DRICH1: variants seen among roughly 807,000 people sequenced by gnomAD.
DRICH1 encodes aspartate rich 1.
Under a neutral mutation model 39.5 loss-of-function variants are expected in DRICH1, and 38 were observed. The observed-to-expected ratio is 0.96, with a 90% CI of 0.74 to 1.26. DRICH1 has a LOEUF of 1.26. DRICH1 is among the 50% of genes most tolerant of loss of function. The probability of loss-of-function intolerance (pLI) is 0.00; values close to 1 mark genes in which losing one functional copy is unlikely to be tolerated. For missense variants in DRICH1, 279 were observed against 270.4 expected (o/e 1.03, Z -0.22); for synonymous variants, 84 against 99.5 (o/e 0.84, Z 0.93).
Position 23,630,311 on chromosome 22 carries a change from C to CA in DRICH1, c.208+1504dup, listed in dbSNP as rs1450871420. On this transcript the variant is annotated intron_variant, in intron 1 of 11. Transcript: ENST00000317749. ...GTCATATATCACGGTGGAGTGATGA[C>CA]ACGGTTGAGTAATGCAGACCATCAA... Among the ~76,000 whole-genome samples, 7 of 152,144 alleles carry CA rather than the reference C, an allele frequency of 4.6e-5. No individual in the cohort carries two copies. The South Asian group carries it at 1.4e-3, about 31-fold the overall frequency.
the DRICH1 span, among the ~76,000 whole-genome samples, chr22:23,602,607 C>T: frequency 6.6e-6 from 1 of 151,958 alleles, no homozygotes; most frequent in South Asian, 2.1e-4. Context: ...ATCGCTTGAA[C>T]CCAGGTGGCG....
chr22:23,603,121 T>A, the DRICH1 span, among the ~76,000 whole-genome samples: 89 of 151,300 alleles, frequency 5.9e-4, 2 homozygotes, highest in South Asian at 0.018. Context: ...TTCTCCTACC[T>A]CAGCCTCCCA....
At chr22:23,620,254 C>A (rs1602342114) in intron 5 of DRICH1, among the ~76,000 whole-genome samples, 1 of 152,214 alleles carries the variant, frequency 6.6e-6, no homozygotes, top group East Asian at 1.9e-4. Flanking sequence ...TTTATTAGAT[C>A]CCACCTCAAG....
chr22:23,625,916 G>A, intron 2 of DRICH1, 65 bp downstream of exon 2: 1 of 1,303,754 alleles, frequency 7.7e-7, no homozygotes, highest in Non-Finnish European at 1.1e-6. Flanking sequence ...GGTTTAGATG[G>A]GTGAATTTGT....
the DRICH1 span, among the ~76,000 whole-genome samples, chr22:23,597,999 T>C: frequency 2.0e-5 from 3 of 150,482 alleles, no homozygotes; most frequent in African/African-American, 7.3e-5. Context: ...TGAGTTCTGG[T>C]TTAGGTCAGT....
At position 23,608,689 on chromosome 22, in the gene DRICH1, G is replaced by A. The variant is rs761201642; in HGVS notation, c.*75C>T. 3.4e-6 allele frequency: 5 copies of A among 1,457,314 alleles called. No individual in the cohort carries two copies. Among genetic ancestry groups the A allele is most frequent in the African/African-American group, 2.8e-5 (2 of 71,198 alleles). 90.3% of individuals were successfully genotyped at this position (1,457,314 alleles called of 1,614,324 possible). On this transcript the variant is annotated 3_prime_UTR_variant, in exon 12 of 12. Coordinates refer to ENST00000317749, the MANE Select transcript of DRICH1 (RefSeq NM_016449.4). The stretch of plus-strand genomic sequence containing the variant: ...GTAGAGAGGATTGAGACCTCCAGGG[G>A]CAAAGCTGGGGACCCTGCAGCACGC...
chr22:23,631,759 G>A, intron 1 of DRICH1, 57 bp downstream of exon 1: 1 of 1,368,930 alleles, frequency 7.3e-7, no homozygotes, highest in Non-Finnish European at 1.0e-6. Context: ...GTAAGGGAAG[G>A]GGGTGGGGGT....
At chr22:23,594,894 A>G in the DRICH1 span, among the ~76,000 whole-genome samples, 2 of 151,662 alleles carry the variant, frequency 1.3e-5, no homozygotes, top group Admixed American at 1.3e-4. Context: ...CAGAGGGAGG[A>G]GCCCCTTTGA....
chr22:23,606,327 G>A (rs1926730372), downstream of DRICH1, among the ~76,000 whole-genome samples: 1 of 152,078 alleles, frequency 6.6e-6, no homozygotes, highest in African/African-American at 2.4e-5. Context: ...GGAGGAGCCA[G>A]GTGGGGCCTG....
At chr22:23,615,448 A>T (rs1184677359) in intron 8 of DRICH1, among the ~76,000 whole-genome samples, 1 of 152,194 alleles carries the variant, frequency 6.6e-6, no homozygotes, top group East Asian at 1.9e-4. Context: ...GAAACCAAAA[A>T]TTTTTATCAG....
intron 6 of DRICH1, among the ~76,000 whole-genome samples, chr22:23,618,955 C>A (rs1274991525): frequency 6.6e-6 from 1 of 151,884 alleles, no homozygotes; most frequent in Non-Finnish European, 1.5e-5. Flanking sequence ...GGGGGGATCA[C>A]GAGGTCAAGA....
intron 11 of DRICH1, among the ~76,000 whole-genome samples, chr22:23,612,582 T>C (rs1168502924): frequency 6.6e-6 from 1 of 151,996 alleles, no homozygotes; most frequent in Non-Finnish European, 1.5e-5. Context: ...CTATCTTTTG[T>C]GGGAAGGAAC....
chr22:23,590,756 G>T, the DRICH1 span, among the ~76,000 whole-genome samples: 1 of 151,910 alleles, frequency 6.6e-6, no homozygotes, highest in Non-Finnish European at 1.5e-5. Flanking sequence ...GCACCACCAC[G>T]CCCGGATATA....
intron 3 of DRICH1, 95 bp downstream of exon 3, chr22:23,624,788 C>A: frequency 1.4e-6 from 2 of 1,411,722 alleles, no homozygotes; most frequent in Non-Finnish European, 1.0e-6. Flanking sequence ...TCACCAGACC[C>A]CCAATATTTT....
At chr22:23,587,317 G>A in the DRICH1 span, among the ~76,000 whole-genome samples, 1 of 152,186 alleles carries the variant, frequency 6.6e-6, no homozygotes, top group South Asian at 2.1e-4. Context: ...TGGCATAACC[G>A]GGAATCTGGA....
intron 4 of DRICH1, among the ~76,000 whole-genome samples, 171 bp from the exon 5 acceptor site, chr22:23,620,786 A>C (rs539579983): frequency 7.2e-6 from 1 of 139,852 alleles, no homozygotes; most frequent in Non-Finnish European, 1.6e-5. Context: ...AAAAGACAAG[A>C]GTTTTCCCAC....
At chr22:23,594,562 AT>A in the DRICH1 span, among the ~76,000 whole-genome samples, 1 of 152,208 alleles carries the variant, frequency 6.6e-6, no homozygotes, top group Non-Finnish European at 1.5e-5. Flanking sequence ...CGCCTGGCTA[AT>A]TTTTTGTATT....
chr22:23,603,777 C>T (rs1926592062), downstream of DRICH1, among the ~76,000 whole-genome samples: 1 of 152,124 alleles, frequency 6.6e-6, no homozygotes, highest in Non-Finnish European at 1.5e-5. Flanking sequence ...CTGCACAGTC[C>T]CCCTGCGTTT....
the DRICH1 span, among the ~76,000 whole-genome samples, chr22:23,596,364 A>T: frequency 6.6e-6 from 1 of 151,832 alleles, no homozygotes; most frequent in African/African-American, 2.4e-5. Flanking sequence ...GGACTCAAGG[A>T]CCCTCCCACC....
Sources: allele counts gnomAD v4.1 joint callset (sites outside exome capture counted in the v4.1 genomes callset), GRCh38; gene constraint gnomAD v4.1.1; transcripts MANE v1.5; gene names NCBI Gene and HGNC (gene_info 2026-07-23, HGNC 2026-07-21).